PAQR5: variants seen among roughly 807,000 people sequenced by gnomAD.
PAQR5 encodes membrane progestin receptor gamma.
In PAQR5, 20 loss-of-function variants were observed where a neutral mutation model predicts 34.5. The ratio of observed to expected loss-of-function variants is 0.58; its 90% CI spans 0.41 to 0.84. The LOEUF (loss-of-function observed/expected upper bound fraction) is 0.84, where lower values mean the gene tolerates loss of function less well. Among genes scored for constraint, PAQR5 ranks in the 40% least tolerant of loss-of-function variants. The probability of loss-of-function intolerance (pLI) is 0.00; values close to 1 mark genes in which losing one functional copy is unlikely to be tolerated. For synonymous variants in PAQR5, 131 were observed against 155.6 expected (o/e 0.84, Z 1.18); for missense variants, 378 against 412.7 (o/e 0.92, Z 0.73).
intron 4 of PAQR5, chr15:69,380,269 TC>T (rs2055846248): frequency 4.9e-6 from 2 of 405,166 alleles, no homozygotes; most frequent in South Asian, 7.7e-5. Flanking sequence ...TGCTCCCTGC[TC>T]CGGTGCCTGA....
chr15:69,340,742 C>A (rs1246595478), intron 2 of PAQR5, among the ~76,000 whole-genome samples: 1 of 152,178 alleles, frequency 6.6e-6, no homozygotes, highest in Non-Finnish European at 1.5e-5. Context: ...TTATTTTTGA[C>A]TTTGCCAGGC....
chr15:69,398,390 C>T (rs2056518785), intron 7 of PAQR5, among the ~76,000 whole-genome samples: 1 of 152,182 alleles, frequency 6.6e-6, no homozygotes, highest in Non-Finnish European at 1.5e-5. Context: ...TCAGGCAGGA[C>T]ACACAACTCT....
intron 1 of PAQR5, among the ~76,000 whole-genome samples, chr15:69,335,678 G>A (rs974122435): frequency 6.6e-6 from 1 of 150,394 alleles, no homozygotes; most frequent in Non-Finnish European, 1.5e-5. Flanking sequence ...AGCCTCCCGA[G>A]TAGCTGGGAT....
At chr15:69,320,072 G>T (rs1262746561) in intron 1 of PAQR5, among the ~76,000 whole-genome samples, 3 of 152,248 alleles carry the variant, frequency 2.0e-5, no homozygotes, top group Non-Finnish European at 4.4e-5. Context: ...TCCCCGTTGG[G>T]GTGAGGGGAA....
At chr15:69,336,895 G>A (rs950582681) in intron 1 of PAQR5, among the ~76,000 whole-genome samples, 2 of 152,216 alleles carry the variant, frequency 1.3e-5, no homozygotes, top group East Asian at 3.8e-4. Context: ...TGCCACAGAA[G>A]TGGAAGAACC....
At chr15:69,311,045 T>TAAAAAAA (rs1015979181) in intron 1 of PAQR5, among the ~76,000 whole-genome samples, 1 of 57,618 alleles carries the variant, frequency 1.7e-5, no homozygotes, top group African/African-American at 5.6e-5. Context: ...TCGCAAAAAA[T>TAAAAAAA]AAAAAAAAAA....
At chr15:69,362,151 T>G (rs2055251411) in intron 3 of PAQR5, among the ~76,000 whole-genome samples, 1 of 152,218 alleles carries the variant, frequency 6.6e-6, no homozygotes, top group Non-Finnish European at 1.5e-5. Flanking sequence ...ATGTCAGGGC[T>G]GGACAACCCT....
chr15:69,301,223 C>T (rs1385427092), intron 1 of PAQR5, among the ~76,000 whole-genome samples: 4 of 152,056 alleles, frequency 2.6e-5, no homozygotes, highest in East Asian at 1.9e-4. Flanking sequence ...AGGTTGGTCT[C>T]GAACTGCTAA....
chr15:69,382,669 T>C, intron 4 of PAQR5, among the ~76,000 whole-genome samples: 1 of 1,054 alleles, frequency 9.5e-4, no homozygotes, highest in South Asian at 0.031. Context: ...CATATATATA[T>C]ATATATATAT....
chr15:69,372,427 C>G (rs1002592543), intron 3 of PAQR5, among the ~76,000 whole-genome samples: 1 of 152,122 alleles, frequency 6.6e-6, no homozygotes, highest in African/African-American at 2.4e-5. Context: ...CCTGTAATTC[C>G]AGCTACTCAG....
rs144059852 is a variant in PAQR5 at position 69,347,812 on chromosome 15, G to C, written c.-116+10311G>C. Among the ~76,000 whole-genome samples the C allele has an allele frequency of 3.2e-3, 494 of 152,206 alleles. 2 individuals carry two copies. The highest frequency in any genetic ancestry group is 9.6e-3 in the African/African-American group (397 of 41,520). On this transcript the variant is annotated intron_variant, in intron 2 of 8. Transcript: ENST00000395407. ...GAGTTCTCTGGGGCCTCTTTTATCA[G>C]GGCGTTAAGTCCCTTTCATGAAGAC... is the stretch of plus-strand genomic sequence containing the variant.
At chr15:69,402,155 A>G (rs1339119865) in intron 8 of PAQR5, among the ~76,000 whole-genome samples, 1 of 152,002 alleles carries the variant, frequency 6.6e-6, no homozygotes, top group Non-Finnish European at 1.5e-5. Context: ...ACTGAAATTT[A>G]TTTTCTCACA....
intron 2 of PAQR5, among the ~76,000 whole-genome samples, chr15:69,346,529 G>T (rs190286317): frequency 6.6e-6 from 1 of 150,986 alleles, no homozygotes; most frequent in Non-Finnish European, 1.5e-5. Flanking sequence ...TAAACTTTTG[G>T]GCTCAAGTGA....
chr15:69,303,287 G>A (rs1339548609), intron 1 of PAQR5, among the ~76,000 whole-genome samples: 1 of 151,906 alleles, frequency 6.6e-6, no homozygotes, highest in Non-Finnish European at 1.5e-5. Context: ...GAATTACCTT[G>A]GTTGCTAGGG....
chr15:69,394,153 ACCT>A lies in PAQR5; in HGVS notation c.513-3311_513-3309del, dbSNP rs1000105790. On this transcript the variant is annotated intron_variant, in intron 6 of 8. Transcript: ENST00000395407. ...TTTTCAAAGAGCTGCTGAGTGAAAA[ACCT>A]CCTGGTCAGAGCAGTGAGGGCGAGA... 3.4e-5 allele frequency among the ~76,000 whole-genome samples: 5 copies of A among 147,182 alleles called. No individual in the cohort carries two copies. In the East Asian group the frequency reaches 6.0e-4, roughly 18 times the overall value.
chr15:69,361,413 G>A (rs2055228644), intron 3 of PAQR5, among the ~76,000 whole-genome samples: 1 of 152,152 alleles, frequency 6.6e-6, no homozygotes, highest in Non-Finnish European at 1.5e-5. Context: ...CTTAAGACAG[G>A]GTGATTGTTT....
Position 69,400,112 on chromosome 15 carries a change from A to G in PAQR5, c.748A>G (p.Ile250Val), listed in dbSNP as rs1387170273. ...CCTAGCCCCTGGACGCTTTGACTAC[A>G]TCGGTGAGTGGGCAACAGCCCTGCT... ...ERLAPGRFDY[I>V]GHSHQLFHVC... is the part of the protein sequence containing the mutation. Residue 250 changes from isoleucine (I) to valine (V), a missense_variant, in exon 8 of 9, where the codon ATC (isoleucine) becomes GTC (valine). Coordinates refer to ENST00000395407, the MANE Select transcript of PAQR5 (RefSeq NM_017705.4). The G allele has an allele frequency of 3.1e-6, 5 of 1,612,092 alleles. No homozygotes were observed. The highest frequency in any genetic ancestry group is 2.2e-5 in the East Asian group (1 of 44,872).
intron 2 of PAQR5, among the ~76,000 whole-genome samples, chr15:69,351,529 G>A (rs1045990926): frequency 6.6e-6 from 1 of 152,228 alleles, no homozygotes; most frequent in Admixed American, 6.5e-5. Context: ...CTTGCTCTCA[G>A]CTGGCAAGGC....
chr15:69,402,408 C>T (rs914850248), intron 8 of PAQR5, among the ~76,000 whole-genome samples: 6 of 151,928 alleles, frequency 3.9e-5, no homozygotes, highest in African/African-American at 1.5e-4. Flanking sequence ...AGCTCTGCCT[C>T]CCGAGTTCAC....
Sources: gnomAD v4.1 joint callset for allele counts (sites outside exome capture counted in the v4.1 genomes callset) on GRCh38, gnomAD v4.1.1 for gene constraint, MANE v1.5 for transcripts, NCBI Gene and HGNC (gene_info 2026-07-23, HGNC 2026-07-21) for gene names.